Variants in ABL1 observed in about 807,000 individuals in gnomAD.
ABL1 encodes the protein ABL proto-oncogene 1, non-receptor tyrosine kinase.
In ABL1, 11 loss-of-function variants were observed where a neutral mutation model predicts 94.7. The observed-to-expected ratio is 0.12, with a 90% CI of 0.07 to 0.19. ABL1 has a LOEUF of 0.19. Among genes scored for constraint, ABL1 ranks in the 10% least tolerant of loss-of-function variants. ABL1 has a pLI of 1.00. For missense variants in ABL1, 1,082 were observed against 1,489.4 expected (o/e 0.73, Z 4.50); for synonymous variants, 656 against 622.4 (o/e 1.05, Z -0.80).
chr9:130,883,955 C>G lies in ABL1; in HGVS notation c.1679-14C>G. On this transcript the variant is annotated splice_polypyrimidine_tract_variant and intron_variant, in intron 10 of 10. Transcript: ENST00000318560. ...AGTTGTCTGGAGTTGTCAGCTCTTC[C>G]CCTTGCGTTTCAGATCCTCTGGACC... 1 of 1,599,228 alleles carries G rather than the reference C, an allele frequency of 6.3e-7. No homozygotes were observed.
Position 130,850,505 on chromosome 9 carries a change from G to A in ABL1, c.80-3559G>A, listed in dbSNP as rs143471714. Among the ~76,000 whole-genome samples, 718 of 152,140 alleles carry A rather than the reference G, an allele frequency of 4.7e-3. 5 individuals carry two copies. The highest frequency in any genetic ancestry group is 0.017 in the African/African-American group (688 of 41,506). The stretch of plus-strand genomic sequence containing the variant: ...AGCTCTAATCACATGTCCACATTTC[G>A]TTTTGTTTACTTATTTTTTGAAATG... On this transcript the variant is annotated intron_variant, in intron 1 of 10. Coordinates refer to ENST00000318560, the MANE Select transcript of ABL1 (RefSeq NM_005157.6).
chr9:130,772,943 C>T (rs541948213), intron 1 of ABL1, among the ~76,000 whole-genome samples: 2 of 152,148 alleles, frequency 1.3e-5, no homozygotes, highest in East Asian at 3.8e-4. Flanking sequence ...ATACTTAGAC[C>T]TGATCCCTAA....
At chr9:130,874,307 C>T (rs961452252) in intron 6 of ABL1, among the ~76,000 whole-genome samples, 2 of 152,118 alleles carry the variant, frequency 1.3e-5, no homozygotes, top group Non-Finnish European at 2.9e-5. Flanking sequence ...TTTGGGTACA[C>T]CTCAGGAAGA....
At position 130,797,642 on chromosome 9, in the gene ABL1, T is replaced by C. The variant is rs374515271; in HGVS notation, c.137-56422T>C. Among the ~76,000 whole-genome samples the C allele has an allele frequency of 7.4e-4, 112 of 152,316 alleles. 1 individual carries two copies. The highest frequency in any genetic ancestry group is 2.4e-3 in the African/African-American group (99 of 41,570). On this transcript the variant is annotated intron_variant, in intron 1 of 10. Coordinates refer to the ABL1 transcript ENST00000372348. ...CGCCCTCCTCAGCCTCCCAAAGTGC[T>C]GAGATTACAAGTCACCACGCCTGGC...
At chr9:130,813,561 CAAAAAAAA>C (rs57194587) in intron 1 of ABL1, among the ~76,000 whole-genome samples, 2 of 60,642 alleles carry the variant, frequency 3.3e-5, no homozygotes, top group African/African-American at 1.1e-4. Context: ...ACTCCATCTC[CAAAAAAAA>C]AAAAAAAAAA....
intron 1 of ABL1, among the ~76,000 whole-genome samples, chr9:130,786,166 G>C (rs1829823051): frequency 1.3e-5 from 2 of 152,320 alleles, no homozygotes; most frequent in African/African-American, 4.8e-5. Flanking sequence ...GGCTTCTGTG[G>C]GAAAGGCCAG....
At position 130,885,194 on chromosome 9, in the gene ABL1, C is replaced by T. The variant is rs375121886; in HGVS notation, c.2904C>T (p.Ser968=). 6.3e-5 allele frequency: 101 copies of T among 1,613,410 alleles called. No individual in the cohort carries two copies. The East Asian group carries it at 1.4e-3, about 23-fold the overall frequency. Residue 968 remains serine, a synonymous_variant, in exon 11 of 11, where the codon TCC becomes TCT. Coordinates refer to ENST00000318560, the MANE Select transcript of ABL1 (RefSeq NM_005157.6). The stretch of plus-strand genomic sequence containing the variant: ...TCCCGGCCACTCCAAAGCCACAGTC[C>T]GCCAAGCCGTCGGGGACCCCCATCA... ...PVLPATPKPQ[S]AKPSGTPISP... is the part of the protein sequence containing the mutation.
chr9:130,729,978 A>G (rs1831640776), intron 1 of ABL1, among the ~76,000 whole-genome samples: 1 of 150,040 alleles, frequency 6.7e-6, no homozygotes, highest in African/African-American at 2.5e-5. Flanking sequence ...CCTGACCTCA[A>G]GTGATCCACC....
chr9:130,718,560 T>C (rs989646983), intron 1 of ABL1, among the ~76,000 whole-genome samples: 6 of 152,174 alleles, frequency 3.9e-5, no homozygotes, highest in African/African-American at 1.4e-4. Context: ...TCGGTTATTT[T>C]TCAAGAGTGT....
At chr9:130,779,071 G>T (rs1829718023) in intron 1 of ABL1, among the ~76,000 whole-genome samples, 1 of 152,188 alleles carries the variant, frequency 6.6e-6, no homozygotes, top group African/African-American at 2.4e-5. Context: ...AATATTATCA[G>T]ATACTGATAA....
At chr9:130,729,678 A>T (rs1209456623) in intron 1 of ABL1, among the ~76,000 whole-genome samples, 1 of 152,182 alleles carries the variant, frequency 6.6e-6, no homozygotes, top group Non-Finnish European at 1.5e-5. Context: ...TTAGGACAAA[A>T]GGATATCTAA....
intron 1 of ABL1, among the ~76,000 whole-genome samples, chr9:130,735,454 C>G (rs764828894): frequency 1.3e-5 from 2 of 151,688 alleles, no homozygotes; most frequent in Non-Finnish European, 2.9e-5. Flanking sequence ...TCTCCTACTC[C>G]TCTGGAAAAT....
intron 1 of ABL1, among the ~76,000 whole-genome samples, chr9:130,798,404 G>A (rs1264281715): frequency 6.6e-6 from 1 of 152,186 alleles, no homozygotes; most frequent in Non-Finnish European, 1.5e-5. Flanking sequence ...TGGTTATTAA[G>A]TATCGCTTGC....
intron 1 of ABL1, among the ~76,000 whole-genome samples, chr9:130,819,830 C>A (rs1830336893): frequency 6.6e-6 from 1 of 151,732 alleles, no homozygotes; most frequent in Non-Finnish European, 1.5e-5. Context: ...CGTGAGCCAC[C>A]GCGCCCAGCT....
intron 4 of ABL1, among the ~76,000 whole-genome samples, chr9:130,868,840 TG>T (rs1831203207): frequency 6.6e-6 from 1 of 151,938 alleles, no homozygotes; most frequent in South Asian, 2.1e-4. Context: ...TACCTGTGCT[TG>T]GGGGTGAGCA....
rs566121033 is a variant in ABL1, at chr9:130,744,392, C to T, written c.136+29937C>T. On this transcript the variant is annotated intron_variant, in intron 1 of 10. Transcript: ENST00000372348. ...TCTTGACCTCGTGATCCACCCGCCT[C>T]GGCCTCCCAAAGTGCTGGGATTACA... Among the ~76,000 whole-genome samples the T allele has an allele frequency of 1.5e-4, 22 of 151,320 alleles. No homozygotes were observed. In the East Asian group the frequency reaches 4.2e-3, roughly 29 times the overall value.
chr9:130,750,597 A>T (rs1334871396), intron 1 of ABL1, among the ~76,000 whole-genome samples: 2 of 148,018 alleles, frequency 1.4e-5, no homozygotes, highest in South Asian at 4.3e-4. Context: ...GATTACAGAC[A>T]TGAGCACCTG....
Position 130,813,212 on chromosome 9 carries a change from G to A in ABL1, c.137-40852G>A, listed in dbSNP as rs148718421. 1.4e-3 allele frequency among the ~76,000 whole-genome samples: 216 copies of A among 149,742 alleles called. 1 individual carries two copies. The highest frequency in any genetic ancestry group is 5.1e-3 in the African/African-American group (209 of 40,792). On this transcript the variant is annotated intron_variant, in intron 1 of 10. Coordinates refer to the ABL1 transcript ENST00000372348. ...CTGGGCAACAGTGAGACTCCGTCTCGAAAAAAACAAACAAACAAAAGCCTC... is the reference window on the plus strand; with the variant it reads ...CTGGGCAACAGTGAGACTCCGTCTCAAAAAAAACAAACAAACAAAAGCCTC...
At chr9:130,792,822 C>T (rs557832996) in intron 1 of ABL1, among the ~76,000 whole-genome samples, 2 of 152,140 alleles carry the variant, frequency 1.3e-5, no homozygotes, top group African/African-American at 4.8e-5. Context: ...GGCAGAGCCC[C>T]AGAACTACCC....
Sources: allele counts gnomAD v4.1 joint callset (sites outside exome capture counted in the v4.1 genomes callset), GRCh38; gene constraint gnomAD v4.1.1; transcripts MANE v1.5; gene names NCBI Gene and HGNC (gene_info 2026-07-23, HGNC 2026-07-21).